The following FAM76A variants were observed in gnomAD, a reference collection of about 807,000 sequenced individuals.
FAM76A encodes protein FAM76A.
Under a neutral mutation model 46.2 loss-of-function variants are expected in FAM76A, and 32 were observed. The observed-to-expected ratio is 0.69, with a 90% CI of 0.52 to 0.93. FAM76A has a LOEUF of 0.93. Among genes scored for constraint, FAM76A ranks in the 40% least tolerant of loss-of-function variants. The pLI is 0.00. For missense variants in FAM76A, 274 were observed against 361.5 expected (o/e 0.76, Z 1.96); for synonymous variants, 137 against 127.0 (o/e 1.08, Z -0.53).
At chr1:27,742,612 T>C (rs1218619345) in intron 4 of FAM76A, among the ~76,000 whole-genome samples, 1 of 152,156 alleles carries the variant, frequency 6.6e-6, no homozygotes, top group Non-Finnish European at 1.5e-5. Context: ...TTTGGGGAGA[T>C]GTTGGCCAAA....
At chr1:27,741,513 TG>T (rs1240506153) in intron 4 of FAM76A, among the ~76,000 whole-genome samples, 1 of 152,056 alleles carries the variant, frequency 6.6e-6, no homozygotes, top group African/African-American at 2.4e-5. Flanking sequence ...AACAGAAATG[TG>T]TCTTAATGCC....
chr1:27,739,540 A>C, intron 4 of FAM76A: 2 of 327,932 alleles, frequency 6.1e-6, no homozygotes, highest in South Asian at 5.2e-5. Context: ...TAATCGTAGC[A>C]CTTTGGGAGG....
chr1:27,754,129 G>A (rs922856171), intron 6 of FAM76A, among the ~76,000 whole-genome samples: 7 of 133,892 alleles, frequency 5.2e-5, no homozygotes, highest in Admixed American at 1.6e-4. Flanking sequence ...TTTTTGAGAC[G>A]GAGTTTCGCT....
At chr1:27,760,245 G>A in intron 8 of FAM76A, 1 of 390,508 alleles carries the variant, frequency 2.6e-6, no homozygotes. Flanking sequence ...AGTTTGTATT[G>A]CATAAAGCAT....
chr1:27,726,067 G>T lies in FAM76A; in HGVS notation c.-14G>T. The T allele has an allele frequency of 3.2e-6, 4 of 1,247,096 alleles. No individual in the cohort carries two copies. Among genetic ancestry groups the T allele is most frequent in the Non-Finnish European group, 4.0e-6 (4 of 995,882 alleles). 77.3% of individuals were successfully genotyped at this position (1,247,096 alleles called of 1,614,324 possible). On this transcript the variant is annotated 5_prime_UTR_variant, in exon 1 of 9. Transcript: ENST00000373954. ...GCCGGGCCGGCGGGTCGGTGAGCGC[G>T]GCCCGGGCCGGACATGGCGGCGCTC... is the stretch of plus-strand genomic sequence containing the variant.
chr1:27,747,852 G>A (rs1029387911), intron 5 of FAM76A, among the ~76,000 whole-genome samples: 2 of 152,080 alleles, frequency 1.3e-5, no homozygotes, highest in African/African-American at 2.4e-5. Flanking sequence ...GCCAGGAGGC[G>A]GAGGTTGCAG....
At position 27,749,047 on chromosome 1, in the gene FAM76A, C is replaced by T. The variant is rs778980073; in HGVS notation, c.513-21C>T. On this transcript the variant is annotated intron_variant, in intron 5 of 8. Coordinates refer to ENST00000373954, the MANE Select transcript of FAM76A (RefSeq NM_152660.3). ...AATCTTTGATTTCTAATGTGTGTCT[C>T]TCTATTTTTGCCATTAAAAGCCAGA... The T allele has an allele frequency of 2.4e-5, 36 of 1,503,334 alleles. No individual in the cohort carries two copies. In the South Asian group the frequency reaches 3.5e-4, roughly 15 times the overall value. The allele number at this position is 1,503,334 out of a possible 1,614,324, so 93.1% of individuals were successfully genotyped here.
At chr1:27,760,081 C>A in intron 8 of FAM76A, 1 of 432,414 alleles carries the variant, frequency 2.3e-6, no homozygotes, top group Non-Finnish European at 4.6e-6. Flanking sequence ...CCTGTAGATA[C>A]TTTGTATTGT....
Position 27,725,970 on chromosome 1 carries a change from C to T in FAM76A, c.-111C>T, listed in dbSNP as rs2087849253. The T allele has an allele frequency of 1.2e-6, 1 of 843,024 alleles. No individual in the cohort carries two copies. Among genetic ancestry groups the T allele is most frequent in the African/African-American group, 1.8e-5 (1 of 56,282 alleles). The allele number at this position is 843,024 out of a possible 1,614,324, so 52.2% of individuals were successfully genotyped here. On this transcript the variant is annotated 5_prime_UTR_variant, in exon 1 of 9. Transcript: ENST00000373954. ...GGGTCCGCCCCGACCCGCCTGCGCC[C>T]GCCCGCCTGCCGCAGCCAGCAGCCT...
intron 4 of FAM76A, among the ~76,000 whole-genome samples, chr1:27,743,516 G>A (rs187710621): frequency 6.6e-6 from 1 of 152,270 alleles, no homozygotes; most frequent in East Asian, 1.9e-4. Flanking sequence ...TGTAAGTTCA[G>A]CACTTTGGGA....
At chr1:27,755,069 A>G (rs1456565740) in intron 6 of FAM76A, 126 bp from the exon 7 acceptor site, 4 of 1,002,814 alleles carry the variant, frequency 4.0e-6, no homozygotes, top group African/African-American at 1.6e-5. Flanking sequence ...TGTGTGGTGC[A>G]ATGTGCTTGA....
At chr1:27,737,092 G>A (rs1372917403) in intron 4 of FAM76A, among the ~76,000 whole-genome samples, 1 of 152,034 alleles carries the variant, frequency 6.6e-6, no homozygotes, top group Non-Finnish European at 1.5e-5. Context: ...TGGGATTACA[G>A]GCATGCGCCA....
At chr1:27,735,150 T>C (rs1160710321) in intron 4 of FAM76A, among the ~76,000 whole-genome samples, 2 of 152,228 alleles carry the variant, frequency 1.3e-5, no homozygotes, top group Non-Finnish European at 2.9e-5. Flanking sequence ...CTTTGCACTG[T>C]CTGTCCTTGT....
intron 7 of FAM76A, 29 bp from the exon 8 acceptor site, chr1:27,759,497 T>G: frequency 6.6e-7 from 1 of 1,514,912 alleles, no homozygotes; most frequent in South Asian, 1.2e-5. Flanking sequence ...CAGAAATTTC[T>G]TCTGGTTATT....
At position 27,760,870 on chromosome 1, in the gene FAM76A, C is replaced by CTTTTTT. The variant is rs2088492929; in HGVS notation, c.*290_*295dup. The CTTTTTT allele has an allele frequency of 7.0e-5, 3 of 43,144 alleles. No homozygotes were observed. The highest frequency in any genetic ancestry group is 9.4e-5 in the Non-Finnish European group (2 of 21,276). The allele number at this position is 43,144 out of a possible 1,614,324, so 2.7% of individuals were successfully genotyped here. ...TATTTTGGTTCTATTCTTTTTTTTT[C>CTTTTTT]TTTTTTCTTTTTTTTTTTTTTTTTT... On this transcript the variant is annotated 3_prime_UTR_variant, in exon 9 of 9. Transcript: ENST00000373954.
chr1:27,755,828 G>A (rs764333976), intron 7 of FAM76A, among the ~76,000 whole-genome samples: 1 of 152,072 alleles, frequency 6.6e-6, no homozygotes, highest in South Asian at 2.1e-4. Context: ...TTCCATTTTA[G>A]CCTCCCAAAG....
At chr1:27,747,864 G>A (rs1009200196) in intron 5 of FAM76A, among the ~76,000 whole-genome samples, 8 of 152,154 alleles carry the variant, frequency 5.3e-5, no homozygotes, top group Middle Eastern at 6.8e-3. Flanking sequence ...AGGTTGCAGT[G>A]AACCAGGATC....
At chr1:27,727,910 C>T (rs1305918911) in intron 2 of FAM76A, among the ~76,000 whole-genome samples, 1 of 147,420 alleles carries the variant, frequency 6.8e-6, no homozygotes. Context: ...CAGGTTCAAG[C>T]GATTCTTATG....
At chr1:27,752,408 T>C (rs948528722) in intron 6 of FAM76A, among the ~76,000 whole-genome samples, 4 of 152,214 alleles carry the variant, frequency 2.6e-5, no homozygotes, top group Non-Finnish European at 5.9e-5. Flanking sequence ...AACTTTTCAA[T>C]TTTAGGAAAA....
Sources: allele counts gnomAD v4.1 joint callset (sites outside exome capture counted in the v4.1 genomes callset), GRCh38; gene constraint gnomAD v4.1.1; transcripts MANE v1.5; gene names NCBI Gene and HGNC (gene_info 2026-07-23, HGNC 2026-07-21).